Variants in CENPP observed in about 807,000 individuals in gnomAD.
CENPP encodes centromere protein P.
Under a neutral mutation model 35.6 loss-of-function variants are expected in CENPP, and 24 were observed. The ratio of observed to expected loss-of-function variants is 0.67; its 90% CI spans 0.49 to 0.95. CENPP has a LOEUF of 0.95. CENPP is among the 40% of genes least tolerant of loss of function. The probability of loss-of-function intolerance (pLI) is 0.00; values close to 1 mark genes in which losing one functional copy is unlikely to be tolerated. For synonymous variants in CENPP, 120 were observed against 125.5 expected, an observed-to-expected ratio of 0.96 and a Z score of 0.29; for missense variants, 332 against 345.3, an observed-to-expected ratio of 0.96 and a Z score of 0.31.
chr9:92,440,382 T>TC (rs1330643098), intron 5 of CENPP, among the ~76,000 whole-genome samples: 4 of 151,742 alleles, frequency 2.6e-5, no homozygotes, highest in African/African-American at 7.2e-5. Flanking sequence ...AATAAATAAA[T>TC]AAATCACAAG....
At chr9:92,603,056 T>C (rs1850968948) in intron 5 of CENPP, among the ~76,000 whole-genome samples, 1 of 152,320 alleles carries the variant, frequency 6.6e-6, no homozygotes, top group African/African-American at 2.4e-5. Flanking sequence ...CCCAAAGTGC[T>C]GGGATTACAG....
chr9:92,334,886 C>A lies in CENPP; in HGVS notation c.289+2535C>A, dbSNP rs371162584. On this transcript the variant is annotated intron_variant, in intron 2 of 7. Coordinates refer to ENST00000375587, the MANE Select transcript of CENPP (RefSeq NM_001012267.3). The stretch of plus-strand genomic sequence containing the variant: ...CAGTGAGACCCTGTCTCAAAAAAAA[C>A]CAAAAAAACAAAAAAAAAGGCCGGT... Among the ~76,000 whole-genome samples, 972 of 150,382 alleles carry A rather than the reference C, an allele frequency of 6.5e-3. 9 individuals are homozygous for A. The highest frequency in any genetic ancestry group is 0.022 in the African/African-American group (904 of 40,914).
intron 5 of CENPP, among the ~76,000 whole-genome samples, chr9:92,449,253 A>G (rs1564325550): frequency 6.6e-6 from 1 of 151,928 alleles, no homozygotes; most frequent in Non-Finnish European, 1.5e-5. Context: ...CATCGTGGCT[A>G]ACACAGTGAA....
At chr9:92,457,600 T>G in intron 5 of CENPP, 1 of 750,766 alleles carries the variant, frequency 1.3e-6, no homozygotes, top group Non-Finnish European at 2.2e-6. Flanking sequence ...TACATTGGCT[T>G]GAATGTATTT....
At position 92,514,001 on chromosome 9, in the gene CENPP, G is replaced by T. The variant is rs201252956; in HGVS notation, c.565-97313G>T. On this transcript the variant is annotated intron_variant, in intron 5 of 7. Transcript: ENST00000375587. Reference sequence around the variant, plus strand: ...TTGCTTTATACCTAACTGCTATTCTGCAGTAAACAGCTATCTCTTCTGCAA... The same window carrying T: ...TTGCTTTATACCTAACTGCTATTCTTCAGTAAACAGCTATCTCTTCTGCAA... Among the ~76,000 whole-genome samples the T allele has an allele frequency of 7.2e-4, 110 of 152,214 alleles. 1 individual carries two copies. In the East Asian group the frequency reaches 0.013, roughly 17 times the overall value.
chr9:92,613,693 C>G lies in CENPP; in HGVS notation c.*544C>G, dbSNP rs937244182. The G allele has an allele frequency of 6.4e-6, 1 of 157,108 alleles. No individual in the cohort carries two copies. The highest frequency in any genetic ancestry group is 1.4e-5 in the Non-Finnish European group (1 of 70,722). The allele number at this position is 157,108 out of a possible 1,614,324, so 9.7% of individuals were successfully genotyped here. ...TCCTCATGCTGTTCTTGGTCTTCCA[C>G]AAGAAAGTGAAGCTGTCAGCTTAAT... On this transcript the variant is annotated 3_prime_UTR_variant, in exon 8 of 8. Coordinates refer to ENST00000375587, the MANE Select transcript of CENPP (RefSeq NM_001012267.3).
At position 92,334,984 on chromosome 9, in the gene CENPP, C is replaced by T. The variant is rs368274097; in HGVS notation, c.290-2557C>T. 1.0e-4 allele frequency among the ~76,000 whole-genome samples: 15 copies of T among 150,714 alleles called. No individual in the cohort carries two copies. In the South Asian group the frequency reaches 1.3e-3, roughly 13 times the overall value. On this transcript the variant is annotated intron_variant, in intron 2 of 7. Transcript: ENST00000375587. Reference sequence around the variant, plus strand: ...GGCGAATCACTTGAGGTCAGGAGTTCGAGACCAGCCTGGCCAACATGGTGA... The same window carrying T: ...GGCGAATCACTTGAGGTCAGGAGTTTGAGACCAGCCTGGCCAACATGGTGA...
intron 5 of CENPP, among the ~76,000 whole-genome samples, chr9:92,604,005 T>C (rs985591321): frequency 6.6e-6 from 1 of 152,262 alleles, no homozygotes; most frequent in Non-Finnish European, 1.5e-5. Flanking sequence ...CTCCCAGTTT[T>C]GGCGCTCTTA....
intron 5 of CENPP, among the ~76,000 whole-genome samples, chr9:92,515,801 A>G (rs1183279718): frequency 3.3e-5 from 5 of 152,158 alleles, no homozygotes; most frequent in Non-Finnish European, 7.3e-5. Flanking sequence ...CCCAGACTCT[A>G]TACTTAAATC....
chr9:92,441,350 CAA>C (rs1489260708), intron 5 of CENPP, among the ~76,000 whole-genome samples: 1 of 152,096 alleles, frequency 6.6e-6, no homozygotes, highest in East Asian at 1.9e-4. Flanking sequence ...ACGCAGTCAG[CAA>C]AATCTAGACT....
chr9:92,495,292 T>C (rs1378075568), intron 5 of CENPP: 1 of 803,484 alleles, frequency 1.2e-6, no homozygotes, highest in African/African-American at 1.9e-5. Context: ...TAAATTACTT[T>C]AGCAATACAA....
rs142856698 is a variant in CENPP at position 92,441,629 on chromosome 9, C to T, written c.564+61770C>T. 9.9e-5 allele frequency among the ~76,000 whole-genome samples: 15 copies of T among 152,180 alleles called. No homozygotes were observed. In the East Asian group the frequency reaches 1.7e-3, roughly 18 times the overall value. On this transcript the variant is annotated intron_variant, in intron 5 of 7. Transcript: ENST00000375587. ...CAAAAGTCAGCCTGGCATGATAGCGCGTACCTGTAGTCCCAGCTACTCAGG... is the reference window on the plus strand; with the variant it reads ...CAAAAGTCAGCCTGGCATGATAGCGTGTACCTGTAGTCCCAGCTACTCAGG...
intron 5 of CENPP, chr9:92,536,508 G>C (rs1420324770): frequency 6.5e-6 from 1 of 153,088 alleles, no homozygotes; most frequent in South Asian, 2.1e-4. Flanking sequence ...ACAAAAAAAT[G>C]GTTACGTATT....
intron 5 of CENPP, chr9:92,496,308 C>T (rs774641326): frequency 6.4e-7 from 1 of 1,567,962 alleles, no homozygotes; most frequent in Non-Finnish European, 8.6e-7. Context: ...CAAAGGAAAA[C>T]TTGGAATTAC....
At chr9:92,514,838 C>T (rs1847589722) in intron 5 of CENPP, 1 of 1,612,030 alleles carries the variant, frequency 6.2e-7, no homozygotes, top group Non-Finnish European at 8.5e-7. Context: ...TCATCCTCCT[C>T]ACCCTCCTCA....
intron 5 of CENPP, among the ~76,000 whole-genome samples, chr9:92,468,804 A>G (rs1845407050): frequency 6.6e-6 from 1 of 152,088 alleles, no homozygotes; most frequent in African/African-American, 2.4e-5. Context: ...CTTTCCCTCC[A>G]TTGCTCTACA....
chr9:92,500,462 C>T (rs1200929593), intron 5 of CENPP, among the ~76,000 whole-genome samples: 6 of 151,110 alleles, frequency 4.0e-5, no homozygotes, highest in Non-Finnish European at 7.4e-5. Context: ...GAATTACAGG[C>T]GTGAGCCACT....
intron 5 of CENPP, among the ~76,000 whole-genome samples, chr9:92,527,833 C>T (rs1454941740): frequency 1.3e-5 from 2 of 152,046 alleles, no homozygotes; most frequent in South Asian, 2.1e-4. Flanking sequence ...CACTAACTGA[C>T]CTATTTTTTA....
chr9:92,525,077 C>T (rs1304297108), intron 5 of CENPP, among the ~76,000 whole-genome samples: 1 of 151,958 alleles, frequency 6.6e-6, no homozygotes, highest in Admixed American at 6.6e-5. Flanking sequence ...TATAGGAGGC[C>T]GAAACCAAGG....
Sources: allele counts gnomAD v4.1 joint callset (sites outside exome capture counted in the v4.1 genomes callset), GRCh38; gene constraint gnomAD v4.1.1; transcripts MANE v1.5; gene names NCBI Gene and HGNC (gene_info 2026-07-23, HGNC 2026-07-21).